KRT80: variants seen among roughly 807,000 people sequenced by gnomAD.
KRT80 encodes the protein keratin 80.
KRT80 carries 36 observed loss-of-function variants against 51.5 expected under a neutral mutation model. That is an observed-to-expected ratio of 0.70 (90% CI 0.54 to 0.92). The LOEUF (loss-of-function observed/expected upper bound fraction) is 0.92, where lower values mean the gene tolerates loss of function less well. KRT80 is among the 40% of genes least tolerant of loss of function. The pLI, the probability that KRT80 is intolerant of heterozygous loss-of-function variation, is 0.00. For synonymous variants in KRT80, 235 were observed against 248.3 expected, an observed-to-expected ratio of 0.95 and a Z score of 0.50; for missense variants, 566 against 591.7, an observed-to-expected ratio of 0.96 and a Z score of 0.45.
At chr12:52,190,844 C>T (rs551594109) in intron 1 of KRT80, among the ~76,000 whole-genome samples, 14 of 152,282 alleles carry the variant, frequency 9.2e-5, no homozygotes, top group Admixed American at 3.9e-4. Context: ...AAGTGGATAA[C>T]TTCCTTGGGA....
chr12:52,178,215 C>T (rs1464468198), intron 4 of KRT80, among the ~76,000 whole-genome samples: 1 of 152,198 alleles, frequency 6.6e-6, no homozygotes, highest in Non-Finnish European at 1.5e-5. Context: ...AGCCCTTCTC[C>T]ACAGCAGGCT....
At chr12:52,185,113 G>A (rs1456726926) in intron 2 of KRT80, among the ~76,000 whole-genome samples, 1 of 152,234 alleles carries the variant, frequency 6.6e-6, no homozygotes, top group Non-Finnish European at 1.5e-5. Context: ...CCAAGGGCCA[G>A]CAGGCACAGG....
chr12:52,185,711 C>T, intron 1 of KRT80, 124 bp from the exon 2 acceptor site: 1 of 1,523,412 alleles, frequency 6.6e-7, no homozygotes, highest in Non-Finnish European at 8.8e-7. Flanking sequence ...ATGCACACCA[C>T]CCAGGGCGCT....
rs145585181 is a variant in KRT80, at chr12:52,177,673, G to GTGTA, written c.666+2836_666+2839dup. Among the ~76,000 whole-genome samples, 736 of 150,824 alleles carry GTGTA rather than the reference G, an allele frequency of 4.9e-3. 4 individuals carry two copies. Among genetic ancestry groups the GTGTA allele is most frequent in the African/African-American group, 0.013 (542 of 41,142 alleles). On this transcript the variant is annotated intron_variant, in intron 4 of 8. Transcript: ENST00000394815. ...TGTGTGTGTGTGTGTGTGCATGTGTGTGTATGTACACACACACATGTTTTG... is the reference window on the plus strand; with the variant it reads ...TGTGTGTGTGTGTGTGTGCATGTGTGTGTATGTATGTACACACACACATGTTTTG...
At chr12:52,189,268 A>G (rs899716198) in intron 1 of KRT80, among the ~76,000 whole-genome samples, 7 of 150,658 alleles carry the variant, frequency 4.6e-5, no homozygotes, top group Admixed American at 1.3e-4. Context: ...GAGTCCCTTC[A>G]CTCCTCTATC....
chr12:52,172,514 G>C, intron 6 of KRT80, 96 bp from the exon 7 acceptor site: 18 of 1,136,102 alleles, frequency 1.6e-5, no homozygotes, highest in Non-Finnish European at 2.1e-5. Flanking sequence ...GGGGGTAGGT[G>C]TGGGGAGGGA....
rs1941048632 is a variant in KRT80, at chr12:52,169,479, TG to T, written c.*1918del. On this transcript the variant is annotated 3_prime_UTR_variant, in exon 9 of 9. Transcript: ENST00000394815. ...TTCCATGATCAGCCTGATTGACCAGTGGCTGACTGGTCCTGAGAGGGGAGAT... is the reference window on the plus strand; with the variant it reads ...TTCCATGATCAGCCTGATTGACCAGTGCTGACTGGTCCTGAGAGGGGAGAT... 6.5e-6 allele frequency: 1 copy of T among 152,790 alleles called. No homozygotes were observed. The highest frequency in any genetic ancestry group is 2.4e-5 in the African/African-American group (1 of 41,570). 9.5% of individuals were successfully genotyped at this position (152,790 alleles called of 1,614,324 possible).
chr12:52,172,924 C>T (rs986213351), intron 6 of KRT80, 114 bp downstream of exon 6: 34 of 1,274,830 alleles, frequency 2.7e-5, no homozygotes, highest in African/African-American at 2.4e-4. Flanking sequence ...GGCACAGAGG[C>T]GCTAAGCGAC....
chr12:52,186,736 G>A (rs908963682), intron 1 of KRT80, among the ~76,000 whole-genome samples: 5 of 152,090 alleles, frequency 3.3e-5, no homozygotes, highest in African/African-American at 1.2e-4. Context: ...GTTTTGCCTC[G>A]AGGTGAAACC....
At chr12:52,179,009 G>T (rs1941278640) in intron 4 of KRT80, among the ~76,000 whole-genome samples, 1 of 152,228 alleles carries the variant, frequency 6.6e-6, no homozygotes, top group African/African-American at 2.4e-5. Flanking sequence ...GTTATGCCCA[G>T]CCTTCTTCCA....
At chr12:52,172,442 A>C in intron 6 of KRT80, 24 bp from the exon 7 acceptor site, 1 of 1,597,022 alleles carries the variant, frequency 6.3e-7, no homozygotes, top group Non-Finnish European at 8.6e-7. Flanking sequence ...GACAGAGTGA[A>C]AGGGCCTGTG....
intron 1 of KRT80, among the ~76,000 whole-genome samples, chr12:52,191,095 T>C (rs1941473558): frequency 6.6e-6 from 1 of 152,128 alleles, no homozygotes; most frequent in Admixed American, 6.5e-5. Flanking sequence ...GGCAGCAACC[T>C]CCTTCCAGCA....
chr12:52,171,416 C>G lies in KRT80; in HGVS notation c.1341G>C (p.Glu447Asp). ...AGCCGCCTTACTCTGAGACCTCCGACTCCTGCGAGAAGTACTTCTCTGACA... is the reference window on the plus strand; with the variant it reads ...AGCCGCCTTACTCTGAGACCTCCGAGTCCTGCGAGAAGTACTTCTCTGACA... ...TEMSEKYFSQESEVSE is the reference protein window; with the variant it reads ...TEMSEKYFSQDSEVSE The change falls in exon 9 of 9, where the codon GAG becomes GAC. Residue 447 changes from glutamate (E) to aspartate (D), a missense_variant. Glu to Asp is a conservative substitution (Grantham distance 45, BLOSUM62 2). Coordinates refer to ENST00000394815, the MANE Select transcript of KRT80 (RefSeq NM_182507.3). The G allele has an allele frequency of 6.2e-7, 1 of 1,602,452 alleles. No homozygotes were observed. The highest frequency in any genetic ancestry group is 1.1e-5 in the South Asian group (1 of 88,830).
At chr12:52,187,961 C>T (rs780502707) in intron 1 of KRT80, among the ~76,000 whole-genome samples, 11 of 152,154 alleles carry the variant, frequency 7.2e-5, no homozygotes, top group Non-Finnish European at 1.5e-4. Flanking sequence ...AGCACTAGCT[C>T]GCTGGGACAT....
At position 52,171,728 on chromosome 12, in the gene KRT80, C is replaced by A. The variant is rs774974156; in HGVS notation, c.1179-15G>T. 9.1e-6 allele frequency: 1 copy of A among 109,508 alleles called. No individual in the cohort carries two copies. Among genetic ancestry groups the A allele is most frequent in the East Asian group, 3.5e-4 (1 of 2,872 alleles). 6.8% of individuals were successfully genotyped at this position (109,508 alleles called of 1,614,324 possible). ...GCGAGTCCATCCTGGGGGTGGGGGACGGGGGGGTGGGAGAGGGATATGATG... is the reference window on the plus strand; with the variant it reads ...GCGAGTCCATCCTGGGGGTGGGGGAAGGGGGGGTGGGAGAGGGATATGATG... On this transcript the variant is annotated splice_polypyrimidine_tract_variant and intron_variant, in intron 7 of 8. Coordinates refer to ENST00000394815, the MANE Select transcript of KRT80 (RefSeq NM_182507.3).
At chr12:52,180,876 G>T (rs1370181111) in intron 3 of KRT80, 27 bp downstream of exon 3, 2 of 1,605,950 alleles carry the variant, frequency 1.2e-6, no homozygotes, top group South Asian at 2.2e-5. Flanking sequence ...TGAGGAAGGA[G>T]CCCCTGGGGC....
chr12:52,182,504 A>G (rs770332340), intron 2 of KRT80, among the ~76,000 whole-genome samples: 6 of 152,158 alleles, frequency 3.9e-5, no homozygotes, highest in Non-Finnish European at 7.4e-5. Context: ...CCACGATTAT[A>G]GTGATGCTGT....
chr12:52,191,027 C>T (rs1941472444), intron 1 of KRT80, among the ~76,000 whole-genome samples: 1 of 152,144 alleles, frequency 6.6e-6, no homozygotes, highest in Non-Finnish European at 1.5e-5. Context: ...CTCGAGGCAT[C>T]GTCCCCTGCA....
intron 1 of KRT80, chr12:52,185,838 G>A: frequency 1.5e-6 from 1 of 682,776 alleles, no homozygotes; most frequent in Non-Finnish European, 2.4e-6. Context: ...GGGCAGGGCA[G>A]GGCTGGCAGA....
Sources: gnomAD v4.1 joint callset for allele counts (sites outside exome capture counted in the v4.1 genomes callset) on GRCh38, gnomAD v4.1.1 for gene constraint, MANE v1.5 for transcripts, NCBI Gene and HGNC (gene_info 2026-07-23, HGNC 2026-07-21) for gene names.